Variants in USH2A observed in about 807,000 individuals in gnomAD.
USH2A encodes usherin.
Under a neutral mutation model 538.9 loss-of-function variants are expected in USH2A, and 443 were observed. The observed-to-expected ratio is 0.82, with a 90% CI of 0.76 to 0.89. USH2A has a LOEUF of 0.89. Among genes scored for constraint, USH2A ranks in the 40% least tolerant of loss-of-function variants. USH2A has a pLI of 0.00. For missense variants in USH2A, 6,633 were observed against 6,324.8 expected (o/e 1.05, Z -1.65); for synonymous variants, 2,413 against 2,273.5 (o/e 1.06, Z -1.75).
Position 216,073,074 on chromosome 1 carries a change from A to G in USH2A, c.5776+23T>C. 1.2e-6 allele frequency: 2 copies of G among 1,613,728 alleles called. 1 individual carries two copies. On this transcript the variant is annotated intron_variant, in intron 28 of 71. Coordinates refer to ENST00000307340, the MANE Select transcript of USH2A (RefSeq NM_206933.4). ...GATGAATAAGAGACATGTAACATTT[A>G]ATTTAGAGGACCTCCACATTACCTG...
chr1:216,234,882 A>G (rs527534770), intron 13 of USH2A, among the ~76,000 whole-genome samples: 1 of 152,216 alleles, frequency 6.6e-6, no homozygotes, highest in South Asian at 2.1e-4. Flanking sequence ...GAGAAGAACT[A>G]AAAAGATGCT....
At chr1:216,117,001 A>G (rs112229843) in intron 21 of USH2A, among the ~76,000 whole-genome samples, 5 of 152,160 alleles carry the variant, frequency 3.3e-5, no homozygotes, top group South Asian at 4.1e-4. Context: ...CTGATTTAGC[A>G]TAACTATGAA....
chr1:215,832,021 C>T (rs902375677), intron 47 of USH2A, among the ~76,000 whole-genome samples: 1 of 151,844 alleles, frequency 6.6e-6, no homozygotes, highest in Non-Finnish European at 1.5e-5. Context: ...CAAACAACTT[C>T]CTGCTAATAA....
At chr1:216,270,850 C>T (rs952270658) in intron 11 of USH2A, among the ~76,000 whole-genome samples, 1 of 152,006 alleles carries the variant, frequency 6.6e-6, no homozygotes, top group African/African-American at 2.4e-5. Flanking sequence ...GCTAGGATTA[C>T]AGGCATGAGC....
At chr1:216,398,170 A>C (rs377145023) in intron 3 of USH2A, among the ~76,000 whole-genome samples, 1 of 152,184 alleles carries the variant, frequency 6.6e-6, no homozygotes, top group African/African-American at 2.4e-5. Flanking sequence ...ATAACACTAC[A>C]TGACTTCTGA....
rs539721428 is a variant in USH2A, at chr1:216,341,033, C to G, written c.785-13379G>C. Among the ~76,000 whole-genome samples the G allele has an allele frequency of 9.9e-4, 150 of 151,898 alleles. 1 individual carries two copies. The highest frequency in any genetic ancestry group is 3.5e-3 in the African/African-American group (144 of 41,492). On this transcript the variant is annotated intron_variant, in intron 4 of 71. Coordinates refer to ENST00000307340, the MANE Select transcript of USH2A (RefSeq NM_206933.4). The stretch of plus-strand genomic sequence containing the variant: ...GAGAAAGAAATAAAGGGTATTCAAA[C>G]AGGAAGAGAGGAAGTCAAATTGTCT...
intron 11 of USH2A, among the ~76,000 whole-genome samples, chr1:216,266,415 C>T (rs1009512054): frequency 1.6e-4 from 24 of 152,042 alleles, no homozygotes; most frequent in African/African-American, 5.8e-4. Context: ...TGGTACCTTC[C>T]AAATTATGAG....
intron 20 of USH2A, among the ~76,000 whole-genome samples, chr1:216,186,603 C>T (rs1040287561): frequency 6.6e-6 from 1 of 151,860 alleles, no homozygotes; most frequent in African/African-American, 2.4e-5. Flanking sequence ...TTGATTATAA[C>T]CTATAGCATT....
At chr1:216,342,589 A>C (rs1189980641) in intron 4 of USH2A, among the ~76,000 whole-genome samples, 6 of 152,168 alleles carry the variant, frequency 3.9e-5, no homozygotes, top group African/African-American at 1.4e-4. Flanking sequence ...AACCAACCCA[A>C]ATTCTCATCA....
At chr1:215,896,066 A>G (rs1015002024) in intron 40 of USH2A, among the ~76,000 whole-genome samples, 5 of 152,214 alleles carry the variant, frequency 3.3e-5, no homozygotes, top group African/African-American at 9.6e-5. Context: ...GTTGTGCAGC[A>G]TATAACTGTA....
At chr1:216,275,356 A>C (rs1201677044) in intron 11 of USH2A, among the ~76,000 whole-genome samples, 1 of 152,124 alleles carries the variant, frequency 6.6e-6, no homozygotes, top group Non-Finnish European at 1.5e-5. Flanking sequence ...CTTTATCAAA[A>C]TGAAAGATCT....
chr1:215,640,611 C>A lies in USH2A; in HGVS notation c.14915G>T (p.Arg4972Leu), dbSNP rs554061688. ...KEYVLTDGGRRVYSGLDTTLY... is the reference protein window; with the variant it reads ...KEYVLTDGGRLVYSGLDTTLY... The stretch of plus-strand genomic sequence containing the variant: ...GGTGGTGTCCAAGCCGCTGTACACG[C>A]GTCGCCCTCCGTCGGTTAACACGTA... Residue 4972 changes from arginine to leucine, a missense_variant, in exon 68 of 72, where the codon CGC (arginine) becomes CTC (leucine). Physicochemically the swap from Arg to Leu is moderately radical, Grantham distance 102 (BLOSUM62 -2). Coordinates refer to ENST00000307340, the MANE Select transcript of USH2A (RefSeq NM_206933.4). The A allele has an allele frequency of 6.2e-7, 1 of 1,613,824 alleles. No individual in the cohort carries two copies. Among genetic ancestry groups the A allele is most frequent in the East Asian group, 2.2e-5 (1 of 44,850 alleles).
At position 216,011,177 on chromosome 1, in the gene USH2A, A is replaced by G. The variant is rs543821282; in HGVS notation, c.6326-10615T>C. Among the ~76,000 whole-genome samples, 603 of 152,154 alleles carry G rather than the reference A, an allele frequency of 4.0e-3. 7 individuals carry two copies. Among genetic ancestry groups the G allele is most frequent in the African/African-American group, 0.013 (558 of 41,512 alleles). On this transcript the variant is annotated intron_variant, in intron 32 of 71. Transcript: ENST00000307340. ...CCAAATTGTTTTGCCTATCCACCCC[A>G]TGGTGCCAAACCCGTATACTCTCCT...
At chr1:215,837,527 G>A (rs1399609852) in intron 47 of USH2A, among the ~76,000 whole-genome samples, 5 of 152,076 alleles carry the variant, frequency 3.3e-5, no homozygotes, top group Non-Finnish European at 5.9e-5. Context: ...AAAATAAAGT[G>A]ATTCTACCAA....
intron 30 of USH2A, among the ~76,000 whole-genome samples, chr1:216,066,473 T>C (rs963801347): frequency 2.9e-4 from 44 of 151,478 alleles, no homozygotes; most frequent in African/African-American, 8.5e-4. Flanking sequence ...TAAATAATAA[T>C]AGTAATAATA....
chr1:215,625,614 A>G lies in USH2A; in HGVS notation c.*167T>C, dbSNP rs1655990162. ...TAAGATGAGAAAAATATCATTTCTT[A>G]GACCTCTATTAGGAAGGAACACTTT... On this transcript the variant is annotated 3_prime_UTR_variant, in exon 72 of 72. Coordinates refer to ENST00000307340, the MANE Select transcript of USH2A (RefSeq NM_206933.4). The G allele has an allele frequency of 1.5e-6, 1 of 675,924 alleles. No homozygotes were observed. The highest frequency in any genetic ancestry group is 2.7e-6 in the Non-Finnish European group (1 of 373,760). 41.9% of individuals were successfully genotyped at this position (675,924 alleles called of 1,614,324 possible).
At chr1:215,747,429 C>A (rs903062425) in intron 58 of USH2A, among the ~76,000 whole-genome samples, 4 of 152,140 alleles carry the variant, frequency 2.6e-5, no homozygotes, top group South Asian at 2.1e-4. Flanking sequence ...CACCACTCCA[C>A]GACAAAACTG....
At chr1:215,696,146 T>C (rs532163152) in intron 61 of USH2A, among the ~76,000 whole-genome samples, 6 of 152,268 alleles carry the variant, frequency 3.9e-5, no homozygotes, top group Non-Finnish European at 5.9e-5. Flanking sequence ...ACACATATTT[T>C]GTTTGTTATA....
chr1:216,229,083 A>G (rs2035622037), intron 14 of USH2A, among the ~76,000 whole-genome samples: 2 of 151,922 alleles, frequency 1.3e-5, no homozygotes, highest in African/African-American at 4.8e-5. Flanking sequence ...CTGAGGCAGG[A>G]GAATCTTTTG....
Sources: allele counts gnomAD v4.1 joint callset (sites outside exome capture counted in the v4.1 genomes callset), GRCh38; gene constraint gnomAD v4.1.1; transcripts MANE v1.5; gene names NCBI Gene and HGNC (gene_info 2026-07-23, HGNC 2026-07-21).